LRRC7: variants seen among roughly 807,000 people sequenced by gnomAD.
LRRC7 encodes the protein leucine-rich repeat-containing protein 7.
LRRC7 carries 23 observed loss-of-function variants against 175.7 expected under a neutral mutation model. That is an observed-to-expected ratio of 0.13 (90% confidence interval 0.09 to 0.19). LRRC7 has a LOEUF of 0.19. Ranked by LOEUF, LRRC7 falls within the 10% of genes least tolerant of loss-of-function variation. The pLI, the probability that LRRC7 is intolerant of heterozygous loss-of-function variation, is 1.00. For synonymous variants in LRRC7, 685 were observed against 680.9 expected (o/e 1.01, Z -0.09); for missense variants, 1,354 against 1,904.7 (o/e 0.71, Z 5.38).
At chr1:69,958,574 CAG>C (rs1650729564) in intron 8 of LRRC7, among the ~76,000 whole-genome samples, 1 of 151,918 alleles carries the variant, frequency 6.6e-6, no homozygotes, top group Admixed American at 6.6e-5. Context: ...CTAGTAGAGA[CAG>C]AGGTTGAAAG....
At chr1:69,743,515 T>C (rs1182208290) in intron 2 of LRRC7, among the ~76,000 whole-genome samples, 1 of 151,982 alleles carries the variant, frequency 6.6e-6, no homozygotes, top group Non-Finnish European at 1.5e-5. Context: ...CAATTTAACA[T>C]GTCAAAGCGA....
intron 1 of LRRC7, among the ~76,000 whole-genome samples, chr1:69,589,214 C>T (rs1244498306): frequency 6.6e-6 from 1 of 151,250 alleles, no homozygotes; most frequent in East Asian, 1.9e-4. Context: ...TTCCCTGTGC[C>T]ATCCTCTTCC....
intron 2 of LRRC7, among the ~76,000 whole-genome samples, chr1:69,758,211 A>G (rs967963500): frequency 6.6e-6 from 1 of 152,084 alleles, no homozygotes; most frequent in Non-Finnish European, 1.5e-5. Flanking sequence ...AAGTAAGGTT[A>G]TGTAAAACAA....
At chr1:69,922,918 G>A (rs540268884) in intron 7 of LRRC7, among the ~76,000 whole-genome samples, 51 of 151,546 alleles carry the variant, frequency 3.4e-4, no homozygotes, top group South Asian at 2.1e-4. Context: ...CCATTAACTC[G>A]TCATTTAGCA....
chr1:70,045,351 T>C (rs572568213), intron 22 of LRRC7, among the ~76,000 whole-genome samples: 1 of 152,184 alleles, frequency 6.6e-6, no homozygotes, highest in African/African-American at 2.4e-5. Context: ...AATTTCAAGG[T>C]ACCAACTTAA....
chr1:69,807,070 T>G (rs1438751164), intron 4 of LRRC7, among the ~76,000 whole-genome samples: 3 of 152,126 alleles, frequency 2.0e-5, no homozygotes, highest in Non-Finnish European at 4.4e-5. Context: ...TTGTCTCTTT[T>G]GATCTTTGTT....
At chr1:69,773,112 A>C (rs2100991450) in intron 3 of LRRC7, among the ~76,000 whole-genome samples, 1 of 152,310 alleles carries the variant, frequency 6.6e-6, no homozygotes, top group East Asian at 1.9e-4. Flanking sequence ...TATGAGGTCA[A>C]AATACATTTT....
At chr1:69,573,713 AT>A (rs1466533627) in intron 1 of LRRC7, among the ~76,000 whole-genome samples, 4 of 110,030 alleles carry the variant, frequency 3.6e-5, no homozygotes, top group African/African-American at 1.2e-4. Flanking sequence ...TATTAAATAC[AT>A]TAATAACCCA....
intron 8 of LRRC7, among the ~76,000 whole-genome samples, chr1:69,962,516 A>AAT (rs1651198915): frequency 6.6e-6 from 1 of 152,202 alleles, no homozygotes; most frequent in Non-Finnish European, 1.5e-5. Flanking sequence ...TTCTGTTATA[A>AAT]AGATGGATAC....
intron 8 of LRRC7, among the ~76,000 whole-genome samples, chr1:69,971,333 C>T (rs1171339043): frequency 6.6e-6 from 1 of 152,102 alleles, no homozygotes; most frequent in Non-Finnish European, 1.5e-5. Flanking sequence ...AGAAGTCAAA[C>T]TGTCGCTGCT....
In LRRC7 at chr1:69,781,913, G is replaced by GAAGAAAGAAAGA. The variant is rs760972258; in HGVS notation, c.304-10113_304-10102dup. ...AGGAAGGAAGGGAAAGAAAGAAAAA[G>GAAGAAAGAAAGA]AAGAAAGAAAGAAAGAAAGAAAGAA... On this transcript the variant is annotated intron_variant, in intron 3 of 26. Transcript: ENST00000651989. Among the ~76,000 whole-genome samples, 161 of 68,070 alleles carry GAAGAAAGAAAGA rather than the reference G, an allele frequency of 2.4e-3. 3 individuals are homozygous for GAAGAAAGAAAGA. The highest frequency in any genetic ancestry group is 0.01 in the African/African-American group (153 of 14,780). The allele number at this position is 68,070 out of a possible 152,430, so 44.7% of individuals were successfully genotyped here. A position where few individuals can be genotyped will look rare whatever the true frequency, so the allele number is the denominator to read the frequency against.
chr1:69,850,014 A>G (rs1032378719), intron 7 of LRRC7, among the ~76,000 whole-genome samples: 3 of 152,010 alleles, frequency 2.0e-5, no homozygotes, highest in Admixed American at 6.6e-5. Context: ...GGATGATGTT[A>G]TAGAGAGAGG....
rs1326779160 is a variant in LRRC7, at chr1:69,994,554, G to A, written c.932-7G>A. ...TATGTATTAATCAACCTTCTTCTCT[G>A]CTTTAGGACTTTTGAAAAAACTAAC... is the stretch of plus-strand genomic sequence containing the variant. On this transcript the variant is annotated splice_region_variant and splice_polypyrimidine_tract_variant and intron_variant, in intron 10 of 26. Transcript: ENST00000651989. The A allele has an allele frequency of 6.3e-7, 1 of 1,585,268 alleles. No individual in the cohort carries two copies. The highest frequency in any genetic ancestry group is 1.3e-5 in the African/African-American group (1 of 74,268).
chr1:69,666,506 C>G (rs1446420172), intron 1 of LRRC7, among the ~76,000 whole-genome samples: 3 of 151,916 alleles, frequency 2.0e-5, no homozygotes, highest in Admixed American at 2.0e-4. Flanking sequence ...AGTTATTGTT[C>G]TGTTTAGATT....
At chr1:69,676,760 T>A (rs12025862) in intron 1 of LRRC7, among the ~76,000 whole-genome samples, 31,504 of 151,944 alleles carry the variant, frequency 0.21, 3,430 homozygotes, top group South Asian at 0.29. Context: ...ATTCCATTCT[T>A]GAAAACTGGT....
intron 7 of LRRC7, among the ~76,000 whole-genome samples, chr1:69,848,083 A>G (rs1489959127): frequency 1.3e-5 from 2 of 151,992 alleles, no homozygotes; most frequent in Non-Finnish European, 2.9e-5. Context: ...TAACTTTCCC[A>G]CCACTTTCAC....
chr1:69,762,224 T>C (rs1037977484), intron 3 of LRRC7, among the ~76,000 whole-genome samples: 2 of 151,984 alleles, frequency 1.3e-5, no homozygotes, highest in Admixed American at 6.6e-5. Flanking sequence ...GTAAGATAGG[T>C]AGTAAAAACA....
At chr1:69,735,859 ATCTC>A (rs1668056034) in intron 2 of LRRC7, among the ~76,000 whole-genome samples, 1 of 150,014 alleles carries the variant, frequency 6.7e-6, no homozygotes, top group African/African-American at 2.5e-5. Flanking sequence ...TTCCTTTTCA[ATCTC>A]TCTCTCTACC....
intron 4 of LRRC7, among the ~76,000 whole-genome samples, chr1:69,825,390 C>G (rs1679789654): frequency 1.3e-5 from 2 of 152,116 alleles, no homozygotes. Flanking sequence ...TACTTGTTCT[C>G]CCTTCTCTCA....
Sources: gnomAD v4.1 joint callset for allele counts (sites outside exome capture counted in the v4.1 genomes callset) on GRCh38, gnomAD v4.1.1 for gene constraint, MANE v1.5 for transcripts, NCBI Gene and HGNC (gene_info 2026-07-23, HGNC 2026-07-21) for gene names.